The following ANKS1B variants were observed in gnomAD, a reference collection of about 807,000 sequenced individuals.
The protein encoded by ANKS1B is ankyrin repeat and sterile alpha motif domain containing 1B.
Under a neutral mutation model 148.3 loss-of-function variants are expected in ANKS1B, and 36 were observed. That is an observed-to-expected ratio of 0.24 (90% CI 0.19 to 0.32). The LOEUF (loss-of-function observed/expected upper bound fraction) is 0.32, where lower values mean the gene tolerates loss of function less well. ANKS1B is among the 10% of genes least tolerant of loss of function. ANKS1B has a pLI of 1.00. For missense variants in ANKS1B, 1,157 were observed against 1,542.6 expected (o/e 0.75, Z 4.19); for synonymous variants, 542 against 560.8 (o/e 0.97, Z 0.47).
chr12:98,976,853 T>C (rs531475650), intron 17 of ANKS1B, among the ~76,000 whole-genome samples: 1 of 152,352 alleles, frequency 6.6e-6, no homozygotes, highest in African/African-American at 2.4e-5. Flanking sequence ...TCATTTGTAG[T>C]TTGATATTTA....
At chr12:98,769,244 C>T (rs10492279) in intron 25 of ANKS1B, among the ~76,000 whole-genome samples, 5 of 143,422 alleles carry the variant, frequency 3.5e-5, no homozygotes, top group East Asian at 2.1e-4. Flanking sequence ...GAATTTTAAG[C>T]CTTCAAGACT....
At chr12:99,632,752 TATATATATA>T (rs2098179208) in intron 9 of ANKS1B, among the ~76,000 whole-genome samples, 2 of 112,312 alleles carry the variant, frequency 1.8e-5, no homozygotes, top group African/African-American at 6.3e-5. Flanking sequence ...TATATATATA[TATATATATA>T]TATATATTTT....
At chr12:98,830,386 A>G (rs1335984918) in intron 18 of ANKS1B, among the ~76,000 whole-genome samples, 2 of 152,140 alleles carry the variant, frequency 1.3e-5, no homozygotes, top group Non-Finnish European at 2.9e-5. Context: ...GTAATTAATT[A>G]AACCAGTATT....
At chr12:99,476,529 A>G (rs181152660) in intron 10 of ANKS1B, among the ~76,000 whole-genome samples, 1 of 152,360 alleles carries the variant, frequency 6.6e-6, no homozygotes, top group Admixed American at 6.5e-5. Context: ...ATAAAATAGT[A>G]TAAAATTGGG....
At chr12:99,423,352 G>A (rs1052508268) in intron 11 of ANKS1B, among the ~76,000 whole-genome samples, 1 of 152,164 alleles carries the variant, frequency 6.6e-6, no homozygotes, top group Non-Finnish European at 1.5e-5. Flanking sequence ...TGGCGAGGTT[G>A]TGGAGAAAAA....
At chr12:99,208,598 A>G in intron 14 of ANKS1B, among the ~76,000 whole-genome samples, 1 of 152,258 alleles carries the variant, frequency 6.6e-6, no homozygotes, top group East Asian at 1.9e-4. Context: ...GCTACGGGAC[A>G]TTGAATATAT....
At chr12:99,087,761 GT>G (rs992185069) in intron 15 of ANKS1B, among the ~76,000 whole-genome samples, 2 of 152,084 alleles carry the variant, frequency 1.3e-5, no homozygotes, top group Non-Finnish European at 2.9e-5. Context: ...AGAGGACCTG[GT>G]TTTTTTGCAG....
chr12:99,963,497 T>C (rs952404702), intron 1 of ANKS1B, among the ~76,000 whole-genome samples: 4 of 152,218 alleles, frequency 2.6e-5, no homozygotes, highest in African/African-American at 7.2e-5. Flanking sequence ...TTTTCTTAAA[T>C]GTGGCATGCA....
intron 16 of ANKS1B, among the ~76,000 whole-genome samples, chr12:99,065,354 T>A (rs907299736): frequency 1.3e-5 from 2 of 152,194 alleles, no homozygotes; most frequent in Non-Finnish European, 2.9e-5. Context: ...TATTTGATAT[T>A]TAAAAACCAT....
intron 1 of ANKS1B, among the ~76,000 whole-genome samples, chr12:99,849,747 C>T (rs2087389527): frequency 6.6e-6 from 1 of 152,038 alleles, no homozygotes; most frequent in Non-Finnish European, 1.5e-5. Flanking sequence ...TAGAAAATAA[C>T]ACATACTGAA....
intron 17 of ANKS1B, among the ~76,000 whole-genome samples, chr12:99,034,505 G>A (rs1568469101): frequency 2.0e-5 from 3 of 152,108 alleles, no homozygotes; most frequent in South Asian, 4.2e-4. Flanking sequence ...TTGTAGAGAC[G>A]GGGTTTCGCC....
At chr12:99,070,949 G>A (rs2046082399) in intron 16 of ANKS1B, among the ~76,000 whole-genome samples, 1 of 152,196 alleles carries the variant, frequency 6.6e-6, no homozygotes. Flanking sequence ...ACAGGCATAA[G>A]CCAACACGCC....
chr12:99,611,584 C>A (rs190015733), intron 9 of ANKS1B, among the ~76,000 whole-genome samples: 1 of 152,072 alleles, frequency 6.6e-6, no homozygotes, highest in South Asian at 2.1e-4. Context: ...GGCTTCGGGG[C>A]GTTTCAGCCA....
intron 17 of ANKS1B, among the ~76,000 whole-genome samples, chr12:99,032,525 T>G (rs950098937): frequency 2.0e-5 from 3 of 152,212 alleles, no homozygotes; most frequent in Admixed American, 6.5e-5. Flanking sequence ...TTGTCTGTCT[T>G]CTTTTCTTAT....
chr12:98,831,956 TG>T, intron 18 of ANKS1B, 72 bp downstream of exon 18: 1 of 1,388,772 alleles, frequency 7.2e-7, no homozygotes, highest in Non-Finnish European at 1.0e-6. Flanking sequence ...CTCACCATGT[TG>T]GCCAGGCTGG....
chr12:99,106,610 T>C (rs1383203049), intron 15 of ANKS1B, among the ~76,000 whole-genome samples: 7 of 152,222 alleles, frequency 4.6e-5, no homozygotes, highest in Admixed American at 1.3e-4. Context: ...TACCTATTTA[T>C]GGGATATATG....
intron 9 of ANKS1B, among the ~76,000 whole-genome samples, chr12:99,521,112 A>G (rs936643654): frequency 1.3e-5 from 2 of 152,030 alleles, no homozygotes; most frequent in African/African-American, 2.4e-5. Flanking sequence ...GTATTTTTAA[A>G]CAGCCTGTCT....
intron 1 of ANKS1B, among the ~76,000 whole-genome samples, chr12:99,977,393 T>G (rs189776047): frequency 4.6e-5 from 7 of 152,216 alleles, no homozygotes; most frequent in Admixed American, 2.0e-4. Context: ...CAAGTGATAC[T>G]CCCGTCTCAG....
intron 9 of ANKS1B, among the ~76,000 whole-genome samples, chr12:99,562,003 C>T (rs1021118006): frequency 1.3e-5 from 2 of 152,180 alleles, no homozygotes; most frequent in Non-Finnish European, 2.9e-5. Context: ...CTAAGTTAAT[C>T]CTTGATCCAC....
Sources: gnomAD v4.1 joint callset for allele counts (sites outside exome capture counted in the v4.1 genomes callset) on GRCh38, gnomAD v4.1.1 for gene constraint, MANE v1.5 for transcripts, NCBI Gene and HGNC (gene_info 2026-07-23, HGNC 2026-07-21) for gene names.